DNAI1: variants seen among roughly 807,000 people sequenced by gnomAD.
DNAI1 encodes dynein axonemal intermediate chain 1.
Under a neutral mutation model 92.0 loss-of-function variants are expected in DNAI1, and 67 were observed. The observed-to-expected ratio is 0.73, with a 90% CI of 0.60 to 0.89. The LOEUF (loss-of-function observed/expected upper bound fraction) is 0.89. DNAI1 is among the 40% of genes least tolerant of loss of function. The pLI is 0.00. For missense variants in DNAI1, 839 were observed against 866.6 expected, an observed-to-expected ratio of 0.97 and a Z score of 0.40; for synonymous variants, 323 against 319.6, an observed-to-expected ratio of 1.01 and a Z score of -0.11.
In DNAI1 at chr9:34,472,410, C is replaced by T. The variant is rs79938409; in HGVS notation, c.49-11038C>T. On this transcript the variant is annotated intron_variant, in intron 1 of 19. Transcript: ENST00000242317. ...TCCGATACTTTCTGGCCTTCTGCAG[C>T]CTTATCTGGGAAGGGTCCTATATAA... 2.9e-4 allele frequency among the ~76,000 whole-genome samples: 44 copies of T among 152,252 alleles called. No individual in the cohort carries two copies. In the East Asian group the frequency reaches 8.1e-3, roughly 28 times the overall value.
At chr9:34,517,781 G>A (rs967823918) in intron 19 of DNAI1, among the ~76,000 whole-genome samples, 4 of 152,246 alleles carry the variant, frequency 2.6e-5, no homozygotes, top group Non-Finnish European at 5.9e-5. Flanking sequence ...TGGAAATGCT[G>A]TGGGTAGGAC....
chr9:34,473,715 C>T (rs1035327896), intron 1 of DNAI1, among the ~76,000 whole-genome samples: 1 of 151,790 alleles, frequency 6.6e-6, no homozygotes, highest in African/African-American at 2.4e-5. Flanking sequence ...TTGGTTGGTG[C>T]GTGGGTGGGT....
intron 10 of DNAI1, among the ~76,000 whole-genome samples, chr9:34,498,863 C>A (rs1359948943): frequency 6.6e-6 from 1 of 152,182 alleles, no homozygotes; most frequent in Non-Finnish European, 1.5e-5. Context: ...TGGAAAACGA[C>A]CTTGAGTGCT....
intron 12 of DNAI1, among the ~76,000 whole-genome samples, chr9:34,504,255 C>T (rs1587082905): frequency 6.6e-6 from 1 of 152,196 alleles, no homozygotes; most frequent in Non-Finnish European, 1.5e-5. Context: ...CCTGGCCTGT[C>T]CCTGGGCCTG....
intron 9 of DNAI1, among the ~76,000 whole-genome samples, chr9:34,493,657 A>T (rs1397945675): frequency 6.6e-6 from 1 of 151,974 alleles, no homozygotes; most frequent in Non-Finnish European, 1.5e-5. Flanking sequence ...TGGGGGTGGG[A>T]TGTGAGGATA....
intron 1 of DNAI1, among the ~76,000 whole-genome samples, chr9:34,473,100 T>G (rs1824171547): frequency 6.6e-6 from 1 of 152,098 alleles, no homozygotes; most frequent in Admixed American, 6.6e-5. Context: ...GTAACTTGCC[T>G]TTTTATTTGA....
chr9:34,514,995 A>G (rs557525858), intron 18 of DNAI1, among the ~76,000 whole-genome samples: 26 of 152,310 alleles, frequency 1.7e-4, no homozygotes, highest in Non-Finnish European at 3.4e-4. Flanking sequence ...GATGCCATGG[A>G]GCAGTTATTT....
chr9:34,489,328 CACA>C lies in DNAI1; in HGVS notation c.268_270del (p.Thr90del). On this transcript the variant is annotated inframe_deletion, in exon 5 of 20. Coordinates refer to ENST00000242317, the MANE Select transcript of DNAI1 (RefSeq NM_012144.4). ...CTCAGCCCCTCTCTTCTTAGGAAGG[CACA>C]TATAAGCCTATTGGCTTTGTGAACC... 6.2e-7 allele frequency: 1 copy of C among 1,614,016 alleles called. No homozygotes were observed. The highest frequency in any genetic ancestry group is 8.5e-7 in the Non-Finnish European group (1 of 1,179,938).
At chr9:34,489,524 C>T (rs1824539283) in intron 5 of DNAI1, 75 bp downstream of exon 5, 2 of 1,564,392 alleles carry the variant, frequency 1.3e-6, no homozygotes, top group African/African-American at 2.7e-5. Flanking sequence ...GGGAGTATAC[C>T]TCTAAGCCAG....
intron 1 of DNAI1, among the ~76,000 whole-genome samples, chr9:34,475,212 CG>C (rs1295676540): frequency 6.6e-6 from 1 of 152,116 alleles, no homozygotes; most frequent in Non-Finnish European, 1.5e-5. Flanking sequence ...GAAACGGAAA[CG>C]GCAAGCTGGT....
In DNAI1 at chr9:34,491,529, C is replaced by A; in HGVS notation, c.656C>A (p.Thr219Lys). Residue 219 changes from threonine to lysine, a missense_variant, in exon 8 of 20, where the codon ACA becomes AAA. Physicochemically the swap from Thr to Lys is moderately conservative, Grantham distance 78. Transcript: ENST00000242317. ...TGCCAGACGGAGCCTCCTCCCAGGACAAACTTTTCAGCCACAGCCAATCAG... is the reference window on the plus strand; with the variant it reads ...TGCCAGACGGAGCCTCCTCCCAGGAAAAACTTTTCAGCCACAGCCAATCAG... ...RECQTEPPPR[T>K]NFSATANQWE... 1 of 1,614,222 alleles carries A rather than the reference C, an allele frequency of 6.2e-7. No homozygotes were observed. The highest frequency in any genetic ancestry group is 1.3e-5 in the African/African-American group (1 of 75,050).
chr9:34,473,140 A>G (rs1298055980), intron 1 of DNAI1, among the ~76,000 whole-genome samples: 1 of 152,080 alleles, frequency 6.6e-6, no homozygotes, highest in African/African-American at 2.4e-5. Flanking sequence ...TTCCATAGCA[A>G]TACATAAAAG....
At chr9:34,485,088 T>C in intron 2 of DNAI1, 54 bp from the exon 3 acceptor site, 3 of 1,585,128 alleles carry the variant, frequency 1.9e-6, no homozygotes, top group South Asian at 1.1e-5. Context: ...GCTTTCTGTA[T>C]GCTTGTCCAA....
intron 1 of DNAI1, among the ~76,000 whole-genome samples, chr9:34,460,534 G>C (rs1053069842): frequency 2.6e-5 from 4 of 152,138 alleles, no homozygotes; most frequent in African/African-American, 9.7e-5. Flanking sequence ...CCTTGGGGAA[G>C]CTGCTAGTCC....
chr9:34,510,567 C>A (rs1045646733), intron 13 of DNAI1, among the ~76,000 whole-genome samples: 1 of 152,116 alleles, frequency 6.6e-6, no homozygotes, highest in African/African-American at 2.4e-5. Context: ...TTATTCCTAC[C>A]GGCTCACCTC....
chr9:34,516,419 A>T (rs962959636), intron 18 of DNAI1, among the ~76,000 whole-genome samples: 3 of 152,210 alleles, frequency 2.0e-5, no homozygotes, highest in African/African-American at 7.2e-5. Context: ...AGGCTGCCAC[A>T]GTTGTCCAGG....
chr9:34,513,997 G>A (rs1825122726), intron 16 of DNAI1, among the ~76,000 whole-genome samples: 1 of 152,240 alleles, frequency 6.6e-6, no homozygotes. Flanking sequence ...TGTCTGGGCT[G>A]CAGGTGGAAC....
chr9:34,483,366 G>A, intron 1 of DNAI1, 82 bp from the exon 2 acceptor site: 3 of 1,401,982 alleles, frequency 2.1e-6, no homozygotes, highest in Non-Finnish European at 3.0e-6. Flanking sequence ...TCCCTGGGCA[G>A]GAGCCTCCCT....
At chr9:34,463,163 G>A (rs938078551) in intron 1 of DNAI1, among the ~76,000 whole-genome samples, 1 of 152,136 alleles carries the variant, frequency 6.6e-6, no homozygotes, top group Admixed American at 6.6e-5. Context: ...GGTAGGGTGT[G>A]GGGTGAAGGG....
Sources: gnomAD v4.1 joint callset for allele counts (sites outside exome capture counted in the v4.1 genomes callset) on GRCh38, gnomAD v4.1.1 for gene constraint, MANE v1.5 for transcripts, NCBI Gene and HGNC (gene_info 2026-07-23, HGNC 2026-07-21) for gene names.